Variants in ESRRG observed in about 807,000 individuals in gnomAD.
ESRRG encodes estrogen-related receptor gamma.
ESRRG carries 13 observed loss-of-function variants against 44.0 expected under a neutral mutation model. The observed-to-expected ratio is 0.30, with a 90% CI of 0.19 to 0.47. ESRRG has a LOEUF of 0.47. Among genes scored for constraint, ESRRG ranks in the 20% least tolerant of loss-of-function variants. The pLI, the probability that ESRRG is intolerant of heterozygous loss-of-function variation, is 1.00. For missense variants in ESRRG, 395 were observed against 580.6 expected, an observed-to-expected ratio of 0.68 and a Z score of 3.29; for synonymous variants, 215 against 214.6, an observed-to-expected ratio of 1.00 and a Z score of -0.02.
chr1:216,922,763 A>C (rs150171907), intron 2 of ESRRG, among the ~76,000 whole-genome samples: 7 of 152,300 alleles, frequency 4.6e-5, no homozygotes, highest in Non-Finnish European at 8.8e-5. Flanking sequence ...ACTGCAACAC[A>C]TGAACAATAC....
intron 1 of ESRRG, among the ~76,000 whole-genome samples, chr1:217,033,255 C>CT (rs1558040941): frequency 5.3e-5 from 8 of 152,156 alleles, no homozygotes; most frequent in Non-Finnish European, 4.4e-5. Context: ...GCACCTGTCC[C>CT]CTTTTTGTGC....
At chr1:217,003,317 A>G (rs2077290277) in intron 1 of ESRRG, among the ~76,000 whole-genome samples, 1 of 152,146 alleles carries the variant, frequency 6.6e-6, no homozygotes, top group South Asian at 2.1e-4. Flanking sequence ...ATCAAGTCTC[A>G]GTTTCTCAAC....
At chr1:216,902,179 G>C (rs889461750) in intron 2 of ESRRG, among the ~76,000 whole-genome samples, 7 of 152,140 alleles carry the variant, frequency 4.6e-5, no homozygotes, top group Admixed American at 4.6e-4. Context: ...TGGCAGTCCA[G>C]GTGGTTCTGA....
At chr1:217,105,442 T>C (rs765610823) in intron 1 of ESRRG, among the ~76,000 whole-genome samples, 12 of 152,134 alleles carry the variant, frequency 7.9e-5, no homozygotes, top group South Asian at 2.1e-4. Flanking sequence ...GTGTTAGTAA[T>C]TGGGGAAATC....
intron 5 of ESRRG, among the ~76,000 whole-genome samples, chr1:216,557,084 C>T (rs909389479): frequency 3.3e-5 from 5 of 152,116 alleles, no homozygotes; most frequent in African/African-American, 1.2e-4. Context: ...GTCTTAGCAA[C>T]CAATCATTTA....
chr1:216,911,558 G>A (rs534807740), intron 2 of ESRRG, among the ~76,000 whole-genome samples: 6 of 152,184 alleles, frequency 3.9e-5, no homozygotes, highest in Admixed American at 2.0e-4. Flanking sequence ...TAGAATGCAC[G>A]ACACCCAGAG....
At chr1:217,088,573 A>T (rs1443980463) in intron 1 of ESRRG, among the ~76,000 whole-genome samples, 1 of 152,026 alleles carries the variant, frequency 6.6e-6, no homozygotes, top group Non-Finnish European at 1.5e-5. Flanking sequence ...CTTCCCTAAC[A>T]TAAGCAGACC....
intron 2 of ESRRG, among the ~76,000 whole-genome samples, chr1:216,814,933 C>A (rs888400328): frequency 6.6e-5 from 10 of 152,186 alleles, no homozygotes; most frequent in African/African-American, 2.2e-4. Context: ...AGATGTTCAG[C>A]ACCAAAGATG....
Position 216,507,148 on chromosome 1 carries a change from T to C in ESRRG, c.1168A>G (p.Lys390Glu). ...GCTTCATGTAAGACATCCTGAAGCTTCTGAACGGCTTCAACATCTTCTATG... is the reference window on the plus strand; with the variant it reads ...GCTTCATGTAAGACATCCTGAAGCTCCTGAACGGCTTCAACATCTTCTATG... ...MHIEDVEAVQ[K>E]LQDVLHEALQ... is the part of the protein sequence containing the mutation. Residue 390 changes from lysine (K) to glutamate (E), a missense_variant, in exon 7 of 7, where the codon AAG (lysine) becomes GAG (glutamate). Coordinates refer to ENST00000408911, the MANE Select transcript of ESRRG (RefSeq NM_001438.4). 1.2e-6 allele frequency: 2 copies of C among 1,612,546 alleles called. No homozygotes were observed. The highest frequency in any genetic ancestry group is 8.5e-7 in the Non-Finnish European group (1 of 1,179,270).
intron 2 of ESRRG, among the ~76,000 whole-genome samples, chr1:216,912,266 G>GACGGAAGGAA: frequency 1.9e-5 from 1 of 53,496 alleles, no homozygotes; most frequent in Non-Finnish European, 4.5e-5. Flanking sequence ...GAGAGGAGAG[G>GACGGAAGGAA]GGAGGGGAGG....
At chr1:216,581,412 A>C (rs912113025) in intron 3 of ESRRG, among the ~76,000 whole-genome samples, 1 of 152,182 alleles carries the variant, frequency 6.6e-6, no homozygotes, top group African/African-American at 2.4e-5. Context: ...ACACAGACAC[A>C]ATCCTAAACC....
upstream of ESRRG, chr1:216,723,505 C>T: frequency 1.8e-6 from 1 of 545,410 alleles, no homozygotes; most frequent in South Asian, 2.4e-5. Flanking sequence ...CATATGCAGT[C>T]CCACCGGCCC....
chr1:216,975,988 A>T (rs949167297), intron 1 of ESRRG, among the ~76,000 whole-genome samples: 2 of 152,130 alleles, frequency 1.3e-5, no homozygotes, highest in Admixed American at 1.3e-4. Flanking sequence ...GACAAATCCA[A>T]CCACCTTCTA....
intron 1 of ESRRG, 36 bp from the exon 2 acceptor site, chr1:216,677,527 G>A (rs1198994349): frequency 1.3e-6 from 2 of 1,542,090 alleles, no homozygotes; most frequent in Non-Finnish European, 1.8e-6. Context: ...GACAGAAAGA[G>A]GAGAGAGTGT....
At chr1:217,048,568 G>T (rs2085318232) in intron 1 of ESRRG, among the ~76,000 whole-genome samples, 1 of 152,096 alleles carries the variant, frequency 6.6e-6, no homozygotes, top group Admixed American at 6.6e-5. Flanking sequence ...CAGAAACCAG[G>T]CCCCCTTCCA....
chr1:216,808,560 G>A (rs1198954255), intron 2 of ESRRG, among the ~76,000 whole-genome samples: 1 of 152,082 alleles, frequency 6.6e-6, no homozygotes, highest in East Asian at 1.9e-4. Flanking sequence ...CCAAGCAGCT[G>A]AGACTACAGG....
chr1:216,596,564 T>C (rs903429310), intron 3 of ESRRG, among the ~76,000 whole-genome samples: 15 of 152,196 alleles, frequency 9.9e-5, no homozygotes, highest in African/African-American at 3.6e-4. Context: ...ACAGACCAGC[T>C]ATCTCTAAAC....
chr1:217,127,270 T>C (rs566796216), intron 1 of ESRRG, among the ~76,000 whole-genome samples: 122 of 152,336 alleles, frequency 8.0e-4, no homozygotes, highest in Admixed American at 4.9e-3. Context: ...CTTTTGCTTA[T>C]ATGTTTTGGT....
intron 1 of ESRRG, among the ~76,000 whole-genome samples, chr1:217,129,195 T>C (rs562139960): frequency 3.9e-5 from 6 of 152,286 alleles, no homozygotes; most frequent in African/African-American, 1.4e-4. Context: ...AATAGACATT[T>C]CTCCAAAGAG....
Sources: allele counts gnomAD v4.1 joint callset (sites outside exome capture counted in the v4.1 genomes callset), GRCh38; gene constraint gnomAD v4.1.1; transcripts MANE v1.5; gene names NCBI Gene and HGNC (gene_info 2026-07-23, HGNC 2026-07-21).